BMP6: variants seen among roughly 807,000 people sequenced by gnomAD.
The protein encoded by BMP6 is bone morphogenetic protein 6, also known as VG-1-R.
A neutral mutation model predicts 54.1 loss-of-function variants in BMP6; 17 were observed. The observed-to-expected ratio is 0.31, with a 90% CI of 0.22 to 0.47. The LOEUF (loss-of-function observed/expected upper bound fraction) is 0.47. Ranked by LOEUF, BMP6 falls within the 20% of genes least tolerant of loss-of-function variation. The pLI is 1.00. For missense variants in BMP6, 720 were observed against 690.4 expected (o/e 1.04, Z -0.48); for synonymous variants, 328 against 291.2 (o/e 1.13, Z -1.28).
chr6:7,873,276 G>A (rs1430506650), intron 4 of BMP6, among the ~76,000 whole-genome samples: 1 of 152,146 alleles, frequency 6.6e-6, no homozygotes, highest in Non-Finnish European at 1.5e-5. Flanking sequence ...CGCCCTTCAT[G>A]TTTGATAATT....
intron 1 of BMP6, among the ~76,000 whole-genome samples, chr6:7,817,892 A>G (rs12198539): frequency 0.069 from 10,577 of 152,284 alleles, 491 homozygotes; most frequent in Non-Finnish European, 0.11. Context: ...AATGCCTCAC[A>G]TTGCAAAGTG....
intron 2 of BMP6, among the ~76,000 whole-genome samples, chr6:7,856,994 G>T (rs556059344): frequency 6.6e-6 from 1 of 152,330 alleles, no homozygotes; most frequent in African/African-American, 2.4e-5. Context: ...TCAGGAAAGG[G>T]TCGAAGCCTG....
chr6:7,786,399 T>C (rs981550989), intron 1 of BMP6, among the ~76,000 whole-genome samples: 8 of 151,946 alleles, frequency 5.3e-5, no homozygotes, highest in African/African-American at 1.9e-4. Context: ...AGAATTCTGG[T>C]CGTGTGCTAC....
chr6:7,773,119 GCT>G (rs1289942667), intron 1 of BMP6, among the ~76,000 whole-genome samples: 1 of 152,194 alleles, frequency 6.6e-6, no homozygotes, highest in Non-Finnish European at 1.5e-5. Context: ...CGTAGCAGAT[GCT>G]CTGTTACGAA....
chr6:7,852,654 T>C (rs1759162749), intron 2 of BMP6, among the ~76,000 whole-genome samples: 1 of 152,232 alleles, frequency 6.6e-6, no homozygotes, highest in Non-Finnish European at 1.5e-5. Flanking sequence ...AGAGCCCCTC[T>C]TCCTTGGTGG....
At chr6:7,819,410 G>A (rs1304148696) in intron 1 of BMP6, among the ~76,000 whole-genome samples, 1 of 152,088 alleles carries the variant, frequency 6.6e-6, no homozygotes, top group Non-Finnish European at 1.5e-5. Context: ...CAATTTATGT[G>A]CTAATGTTTT....
At chr6:7,820,673 G>T (rs1758592405) in intron 1 of BMP6, among the ~76,000 whole-genome samples, 1 of 152,168 alleles carries the variant, frequency 6.6e-6, no homozygotes, top group Non-Finnish European at 1.5e-5. Context: ...GAAGCCTGCA[G>T]CACATTTTTC....
At chr6:7,736,793 G>A (rs1258805435) in intron 1 of BMP6, among the ~76,000 whole-genome samples, 5 of 152,138 alleles carry the variant, frequency 3.3e-5, no homozygotes, top group African/African-American at 9.7e-5. Flanking sequence ...CTCTCTTCAC[G>A]TCAGTTACTC....
At chr6:7,745,855 C>T (rs1368310802) in intron 1 of BMP6, among the ~76,000 whole-genome samples, 1 of 151,868 alleles carries the variant, frequency 6.6e-6, no homozygotes, top group Non-Finnish European at 1.5e-5. Context: ...GTAATCCCAG[C>T]TATTCGGGAG....
At chr6:7,878,719 C>G (rs1320597311) in intron 4 of BMP6, among the ~76,000 whole-genome samples, 4 of 152,240 alleles carry the variant, frequency 2.6e-5, no homozygotes, top group African/African-American at 7.2e-5. Flanking sequence ...GTTGTCTGAT[C>G]ATGTGAATGT....
At chr6:7,850,591 C>G (rs1052902496) in intron 2 of BMP6, among the ~76,000 whole-genome samples, 2 of 152,224 alleles carry the variant, frequency 1.3e-5, no homozygotes, top group Admixed American at 1.3e-4. Flanking sequence ...ATAATTGTCC[C>G]AGGAGAGAAA....
chr6:7,847,544 A>C (rs1038826954), intron 2 of BMP6, among the ~76,000 whole-genome samples: 9 of 152,176 alleles, frequency 5.9e-5, no homozygotes, highest in Non-Finnish European at 1.2e-4. Flanking sequence ...ATCTGTGTTT[A>C]AGTGAAATTT....
intron 2 of BMP6, 60 bp downstream of exon 2, chr6:7,845,392 A>G (rs1258449945): frequency 2.7e-6 from 4 of 1,494,878 alleles, no homozygotes; most frequent in South Asian, 2.5e-5. Context: ...ACCTTTTGTC[A>G]TGACAATAAC....
chr6:7,851,675 C>T (rs921823188), intron 2 of BMP6, among the ~76,000 whole-genome samples: 1 of 152,024 alleles, frequency 6.6e-6, no homozygotes, highest in African/African-American at 2.4e-5. Context: ...AATATTTCAT[C>T]ATTAAGAATG....
chr6:7,825,007 G>T (rs1222043652), intron 1 of BMP6, among the ~76,000 whole-genome samples: 1 of 152,222 alleles, frequency 6.6e-6, no homozygotes, highest in East Asian at 1.9e-4. Flanking sequence ...TTCACACCCT[G>T]TTGTATCATT....
chr6:7,870,905 A>G (rs947107402), intron 4 of BMP6, among the ~76,000 whole-genome samples: 1 of 152,204 alleles, frequency 6.6e-6, no homozygotes, highest in African/African-American at 2.4e-5. Flanking sequence ...CTGGGATTAC[A>G]GGCGTGAGCC....
chr6:7,790,292 A>C (rs933582022), intron 1 of BMP6, among the ~76,000 whole-genome samples: 1 of 151,998 alleles, frequency 6.6e-6, no homozygotes, highest in African/African-American at 2.4e-5. Flanking sequence ...AAGCAGGCGG[A>C]TCTCTTTAGT....
intron 1 of BMP6, among the ~76,000 whole-genome samples, chr6:7,759,696 CTTTTTTT>C (rs71542880): frequency 9.7e-5 from 6 of 62,150 alleles, no homozygotes; most frequent in East Asian, 4.9e-4. Flanking sequence ...CTTTCTTCTT[CTTTTTTT>C]TTTTTTTTTT....
At chr6:7,747,199 TC>T in intron 1 of BMP6, among the ~76,000 whole-genome samples, 1 of 152,354 alleles carries the variant, frequency 6.6e-6, no homozygotes, top group South Asian at 2.1e-4. Context: ...TAGGCAGGAT[TC>T]CAGCCCCGTG....
Sources: gnomAD v4.1 joint callset for allele counts (sites outside exome capture counted in the v4.1 genomes callset) on GRCh38, gnomAD v4.1.1 for gene constraint, MANE v1.5 for transcripts, NCBI Gene and HGNC (gene_info 2026-07-23, HGNC 2026-07-21) for gene names.